The following ITPK1 variants were observed in gnomAD, a reference collection of about 807,000 sequenced individuals.
ITPK1 encodes inositol-tetrakisphosphate 1-kinase.
In ITPK1, 21 loss-of-function variants were observed where a neutral mutation model predicts 45.3. That is an observed-to-expected ratio of 0.46 (90% CI 0.33 to 0.67). ITPK1 has a LOEUF of 0.67. Among genes scored for constraint, ITPK1 ranks in the 30% least tolerant of loss-of-function variants. The pLI, the probability that ITPK1 is intolerant of heterozygous loss-of-function variation, is 0.02. For missense variants in ITPK1, 474 were observed against 573.5 expected (o/e 0.83, Z 1.77); for synonymous variants, 258 against 253.6 (o/e 1.02, Z -0.16).
chr14:93,069,619 C>G (rs1191607092), intron 3 of ITPK1: 2 of 153,234 alleles, frequency 1.3e-5, no homozygotes, highest in Non-Finnish European at 2.9e-5. Context: ...CTGCCCTGCC[C>G]CTGGGCTTGG....
intron 5 of ITPK1, among the ~76,000 whole-genome samples, chr14:92,967,333 C>T (rs577809632): frequency 1.3e-5 from 2 of 152,264 alleles, no homozygotes; most frequent in East Asian, 1.9e-4. Flanking sequence ...TATTAGCCAT[C>T]GGGGAAATGC....
intron 3 of ITPK1, among the ~76,000 whole-genome samples, chr14:93,074,253 C>G (rs375041793): frequency 1.3e-5 from 2 of 152,218 alleles, no homozygotes; most frequent in Non-Finnish European, 2.9e-5. Flanking sequence ...CTTCCTCCCC[C>G]AAGCCACCAC....
At chr14:92,951,630 T>A (rs1297306737) in intron 9 of ITPK1, among the ~76,000 whole-genome samples, 1 of 152,088 alleles carries the variant, frequency 6.6e-6, no homozygotes, top group Non-Finnish European at 1.5e-5. Context: ...TTCTTCCAAT[T>A]CCTCATGCTG....
chr14:93,090,535 C>T (rs539198817), intron 2 of ITPK1, among the ~76,000 whole-genome samples: 2 of 152,322 alleles, frequency 1.3e-5, no homozygotes, highest in South Asian at 2.1e-4. Context: ...GTGCTAGCCA[C>T]CATCCTGGAG....
chr14:92,983,417 T>C (rs887683560), intron 5 of ITPK1, among the ~76,000 whole-genome samples: 1 of 152,248 alleles, frequency 6.6e-6, no homozygotes, highest in Non-Finnish European at 1.5e-5. Context: ...AGAGCAAAGA[T>C]GACGCTTACA....
chr14:92,998,647 C>A (rs952483731), intron 4 of ITPK1, among the ~76,000 whole-genome samples: 2 of 152,106 alleles, frequency 1.3e-5, no homozygotes, highest in African/African-American at 4.8e-5. Flanking sequence ...TCTCTCTTCT[C>A]AAATATTTTT....
chr14:92,959,553 G>C (rs79483848), intron 7 of ITPK1, among the ~76,000 whole-genome samples: 3 of 152,144 alleles, frequency 2.0e-5, no homozygotes. Context: ...GGAAAAACAC[G>C]AGCAGCTCTG....
Position 93,076,156 on chromosome 14 carries a change from TC to T in ITPK1, c.120+438del, listed in dbSNP as rs1891210914. On this transcript the variant is annotated intron_variant, in intron 3 of 10. Coordinates refer to ENST00000267615, the MANE Select transcript of ITPK1 (RefSeq NM_014216.6). This position sits in a 1 kb window ranked among gnomAD's most constrained non-coding sequence, Gnocchi z 4.3. Reference sequence around the variant, plus strand: ...TTCCCCTCCCTCCAAGATCCTTCCTTCCCCCTCCATCCATTCTTCCTTCTTC... The same window carrying T: ...TTCCCCTCCCTCCAAGATCCTTCCTTCCCCTCCATCCATTCTTCCTTCTTC... 4.6e-5 allele frequency among the ~76,000 whole-genome samples: 7 copies of T among 150,580 alleles called. No homozygotes were observed. The South Asian group carries it at 1.5e-3, about 32-fold the overall frequency.
chr14:93,079,931 G>C (rs1047915237), intron 2 of ITPK1, among the ~76,000 whole-genome samples: 1 of 152,198 alleles, frequency 6.6e-6, no homozygotes, highest in Non-Finnish European at 1.5e-5. Context: ...AGGCTCAAGT[G>C]TGCAATATGT....
chr14:93,049,840 A>C, intron 3 of ITPK1, among the ~76,000 whole-genome samples: 1 of 151,784 alleles, frequency 6.6e-6, no homozygotes, highest in Non-Finnish European at 1.5e-5. Flanking sequence ...GGACAGAGGC[A>C]CCGGGCTGGC....
In ITPK1 at chr14:92,945,757, AC is replaced by A. The variant is rs34863767; in HGVS notation, c.901+573del. On this transcript the variant is annotated intron_variant, in intron 10 of 10. Transcript: ENST00000267615. ...GGCCCCTCACTGAGAGCTGAGGGGC[AC>A]ATGGCAGAGCCTGGCTCAATGCCAG... Among the ~76,000 whole-genome samples the A allele has an allele frequency of 8.9e-3, 1,354 of 152,278 alleles. 15 individuals carry two copies. The highest frequency in any genetic ancestry group is 0.031 in the African/African-American group (1,271 of 41,560).
At chr14:92,952,082 A>T in intron 8 of ITPK1, 69 bp from the exon 9 acceptor site, 1 of 1,226,214 alleles carries the variant, frequency 8.2e-7, no homozygotes, top group South Asian at 1.3e-5. Flanking sequence ...GCCACCTGAC[A>T]CCAGGGGGCA....
chr14:93,016,905 C>G lies in ITPK1; in HGVS notation c.121-104G>C. 6.7e-7 allele frequency: 1 copy of G among 1,492,978 alleles called. No homozygotes were observed. The highest frequency in any genetic ancestry group is 9.1e-7 in the Non-Finnish European group (1 of 1,100,772). 92.5% of individuals were successfully genotyped at this position (1,492,978 alleles called of 1,614,324 possible). ...GGCATATCACCAGAGGACCCTCGAG[C>G]CTCCCTGTAGCACTCTGGAGATGGG... On this transcript the variant is annotated intron_variant, in intron 3 of 10. Coordinates refer to ENST00000267615, the MANE Select transcript of ITPK1 (RefSeq NM_014216.6). The surrounding 1 kb of genome is among the most constrained non-coding windows in gnomAD (Gnocchi z 5.0).
chr14:93,029,295 A>G (rs1323935925), intron 3 of ITPK1, among the ~76,000 whole-genome samples: 1 of 151,314 alleles, frequency 6.6e-6, no homozygotes, highest in Non-Finnish European at 1.5e-5. Context: ...CCCGCCCCTC[A>G]CCTCCACCTG....
At chr14:93,075,028 A>AG (rs768658850) in intron 3 of ITPK1, among the ~76,000 whole-genome samples, 16 of 152,298 alleles carry the variant, frequency 1.1e-4, no homozygotes, top group Admixed American at 5.9e-4. Flanking sequence ...TAAAGCCCAC[A>AG]GAAAAATTCA....
chr14:93,088,316 A>T (rs150794991), intron 2 of ITPK1, among the ~76,000 whole-genome samples: 1 of 147,000 alleles, frequency 6.8e-6, no homozygotes, highest in African/African-American at 2.6e-5. Context: ...CAATGGTTGC[A>T]TCTTTTCTTT....
intron 10 of ITPK1, 88 bp from the exon 11 acceptor site, chr14:92,941,992 C>G: frequency 8.7e-7 from 1 of 1,147,950 alleles, no homozygotes; most frequent in Non-Finnish European, 1.3e-6. Context: ...AACCGATGGG[C>G]TCCTGGGATG....
At chr14:93,005,215 T>C (rs115307371) in intron 4 of ITPK1, among the ~76,000 whole-genome samples, 2,036 of 152,124 alleles carry the variant, frequency 0.013, 37 homozygotes, top group African/African-American at 0.046. Context: ...ACCTCACTGT[T>C]CAGGAAGAAC....
At chr14:93,024,888 C>T (rs1888658468) in intron 3 of ITPK1, among the ~76,000 whole-genome samples, 1 of 152,200 alleles carries the variant, frequency 6.6e-6, no homozygotes, top group South Asian at 2.1e-4. Context: ...GGGCCGACAA[C>T]ACAGCTGGCT....
Sources: allele counts gnomAD v4.1 joint callset (sites outside exome capture counted in the v4.1 genomes callset), GRCh38; gene constraint gnomAD v4.1.1; non-coding constraint Gnocchi (gnomAD v3.1); transcripts MANE v1.5; gene names NCBI Gene and HGNC (gene_info 2026-07-23, HGNC 2026-07-21).